The following CHCHD2 variants were observed in gnomAD, a reference collection of about 807,000 sequenced individuals.
CHCHD2 encodes the protein coiled-coil-helix-coiled-coil-helix domain-containing protein 2.
In CHCHD2, 17 loss-of-function variants were observed where a neutral mutation model predicts 17.5. That is an observed-to-expected ratio of 0.97 (90% CI 0.67 to 1.46). The LOEUF (loss-of-function observed/expected upper bound fraction) is 1.46, where lower values mean the gene tolerates loss of function less well. Ranked by LOEUF, CHCHD2 falls within the 40% of genes most tolerant of loss-of-function variation. CHCHD2 has a pLI of 0.00. For missense variants in CHCHD2, 175 were observed against 199.9 expected, an observed-to-expected ratio of 0.88 and a Z score of 0.75; for synonymous variants, 63 against 74.3, an observed-to-expected ratio of 0.85 and a Z score of 0.78.
rs368281619 is a variant in CHCHD2, at chr7:56,102,867, C to G, written c.445G>C (p.Gly149Arg). The G allele has an allele frequency of 6.2e-7, 1 of 1,613,720 alleles. No homozygotes were observed. Among genetic ancestry groups the G allele is most frequent in the Admixed American group, 1.7e-5 (1 of 59,974 alleles). Reference sequence around the variant, plus strand: ...GATGTAAATTGGACAAATTACCTACCGTTTGCAAGTCGGCACTGTTTCAGC... The same window carrying G: ...GATGTAAATTGGACAAATTACCTACGGTTTGCAAGTCGGCACTGTTTCAGC... The part of the protein sequence containing the change: ...EVLKQCRLAN[G>R]LA Residue 149 changes from glycine to arginine, a missense_variant and splice_region_variant, in exon 3 of 4, where the codon GGA becomes CGA. Gly to Arg is a moderately radical substitution (Grantham distance 125). Transcript: ENST00000395422.
chr7:56,103,145 T>G (rs1015513211), intron 2 of CHCHD2, 134 bp from the exon 3 acceptor site: 1 of 827,812 alleles, frequency 1.2e-6, no homozygotes, highest in East Asian at 2.6e-5. Flanking sequence ...TTTCCAACTA[T>G]TAACATGGGA....
chr7:56,105,083 G>C (rs1360773630), intron 1 of CHCHD2, among the ~76,000 whole-genome samples: 1 of 150,420 alleles, frequency 6.6e-6, no homozygotes, highest in Non-Finnish European at 1.5e-5. Flanking sequence ...GCTAATTTTT[G>C]TATTTCTAGT....
Position 56,106,427 on chromosome 7 carries a change from C to A in CHCHD2, c.-14G>T. On this transcript the variant is annotated 5_prime_UTR_variant, in exon 1 of 4. Transcript: ENST00000395422. The stretch of plus-strand genomic sequence containing the variant: ...TCCACGCGGCATCCTAGGTAAGCGA[C>A]GGCTAGGCCTCCGGACGTGGGACAA... The A allele has an allele frequency of 6.2e-7, 1 of 1,613,060 alleles. No homozygotes were observed.
rs1562888551 is a variant in CHCHD2 at position 56,104,379 on chromosome 7, CGCAGCAG to C, written c.140_146del (p.Ala47GlyfsTer7). 2 of 1,612,292 alleles carry C rather than the reference CGCAGCAG, an allele frequency of 1.2e-6. No homozygotes were observed. Among genetic ancestry groups the C allele is most frequent in the Admixed American group, 3.3e-5 (2 of 59,942 alleles). ...GGGCCATCAGACCTGGCTGCCGGGG[CGCAGCAG>C]CAGAAGAGCCAACTGCAGATGGGGG... is the stretch of plus-strand genomic sequence containing the variant. On this transcript the variant is annotated frameshift_variant, in exon 2 of 4. Coordinates refer to ENST00000395422, the MANE Select transcript of CHCHD2 (RefSeq NM_016139.4). LOFTEE classifies it high-confidence loss of function.
At chr7:56,106,261 C>T (rs1384888199) in intron 1 of CHCHD2, 103 bp downstream of exon 1, 5 of 1,107,712 alleles carry the variant, frequency 4.5e-6, no homozygotes, top group Non-Finnish European at 6.5e-6. Flanking sequence ...GCCCACGCCG[C>T]AGCCGACCTT....
Position 56,104,406 on chromosome 7 carries a change from T to C in CHCHD2, c.120A>G (p.Pro40=). 6.2e-7 allele frequency: 1 copy of C among 1,610,858 alleles called. No individual in the cohort carries two copies. The highest frequency in any genetic ancestry group is 8.5e-7 in the Non-Finnish European group (1 of 1,178,992). The change falls in exon 2 of 4, where the codon CCA becomes CCG. Residue 40 remains proline (P), a synonymous_variant. Transcript: ENST00000395422. ...PVAQPPAAAP[P]SAVGSSAAAP... is the part of the protein sequence containing the mutation. ...CAGCAGCAGAAGAGCCAACTGCAGA[T>C]GGGGGTGCCGCTGCTGGTGGCTGAG...
intron 3 of CHCHD2, 51 bp from the exon 4 acceptor site, chr7:56,101,912 T>C (rs145480423): frequency 2.4e-5 from 38 of 1,565,624 alleles, no homozygotes; most frequent in African/African-American, 4.1e-5. Context: ...GTATACTCAA[T>C]AAAACAGAAG....
intron 2 of CHCHD2, among the ~76,000 whole-genome samples, chr7:56,103,827 A>G (rs1554374758): frequency 6.6e-6 from 1 of 152,260 alleles, no homozygotes; most frequent in Non-Finnish European, 1.5e-5. Flanking sequence ...TCATTAGACT[A>G]GAAAGCCCAC....
intron 2 of CHCHD2, 41 bp downstream of exon 2, chr7:56,104,185 A>G: frequency 6.2e-7 from 1 of 1,602,302 alleles, no homozygotes; most frequent in Non-Finnish European, 8.5e-7. Context: ...CTTTTCTCAT[A>G]AAATCCACCC....
chr7:56,103,077 G>A, intron 2 of CHCHD2, 66 bp from the exon 3 acceptor site: 2 of 1,549,882 alleles, frequency 1.3e-6, no homozygotes, highest in East Asian at 2.2e-5. Flanking sequence ...ACAATGAAGA[G>A]TATCCATCCT....
intron 1 of CHCHD2, among the ~76,000 whole-genome samples, 153 bp downstream of exon 1, chr7:56,106,209 CAT>C (rs1183292322): frequency 6.6e-6 from 1 of 152,146 alleles, no homozygotes; most frequent in Admixed American, 6.6e-5. Flanking sequence ...ACTCCCCTAA[CAT>C]AGGCTTTACG....
chr7:56,105,291 G>T (rs13238718), intron 1 of CHCHD2, among the ~76,000 whole-genome samples: 2 of 152,044 alleles, frequency 1.3e-5, no homozygotes, highest in East Asian at 1.9e-4. Context: ...CCATGTATTC[G>T]GATAGCCCAC....
At chr7:56,104,509 A>G in intron 1 of CHCHD2, 34 bp from the exon 2 acceptor site, 1 of 1,503,150 alleles carries the variant, frequency 6.7e-7, no homozygotes, top group Non-Finnish European at 8.9e-7. Flanking sequence ...TCAAGTTCCC[A>G]ATTCCAACCA....
rs796607792 is a variant in CHCHD2 at position 56,101,793 on chromosome 7, A to T, written c.*58T>A. The T allele has an allele frequency of 8.0e-6, 12 of 1,498,106 alleles. No homozygotes were observed. The African/African-American group carries it at 1.5e-4, about 19-fold the overall frequency. The allele number at this position is 1,498,106 out of a possible 1,614,324, so 92.8% of individuals were successfully genotyped here. A position where few individuals can be genotyped will look rare whatever the true frequency, so the allele number is the denominator to read the frequency against. On this transcript the variant is annotated 3_prime_UTR_variant, in exon 4 of 4. Coordinates refer to ENST00000395422, the MANE Select transcript of CHCHD2 (RefSeq NM_016139.4). ...CCCTCACTATCAATTCTATTTTTAT[A>T]CTAAATTAACTTAGTTATGAGAGCT... is the stretch of plus-strand genomic sequence containing the variant.
rs77895701 is a variant in CHCHD2 at position 56,101,979 on chromosome 7, T to C, written c.446-118A>G. The C allele has an allele frequency of 6.0e-6, 6 of 1,003,318 alleles. No homozygotes were observed. The Admixed American group carries it at 6.8e-5, about 11-fold the overall frequency. The allele number at this position is 1,003,318 out of a possible 1,614,324, so 62.2% of individuals were successfully genotyped here. On this transcript the variant is annotated intron_variant, in intron 3 of 3. Transcript: ENST00000395422. ...CCAAGGCTATGGGTTTTTTGTTTTT[T>C]GTTTTTTTTTGATAAAAAATAGAGA... is the stretch of plus-strand genomic sequence containing the variant.
chr7:56,105,446 G>C (rs1785365416), intron 1 of CHCHD2, among the ~76,000 whole-genome samples: 1 of 152,170 alleles, frequency 6.6e-6, no homozygotes, highest in South Asian at 2.1e-4. Context: ...AAAAATCTCT[G>C]CATTCATGGA....
chr7:56,103,325 C>CA lies in CHCHD2; in HGVS notation c.301-315dup, dbSNP rs1425307116. Reference sequence around the variant, plus strand: ...TGAAACCCCGTCCCTACTAAAAATACAAAAATTAGCCAGGCGTGGTAGCAG... The same window carrying CA: ...TGAAACCCCGTCCCTACTAAAAATACAAAAAATTAGCCAGGCGTGGTAGCAG... On this transcript the variant is annotated intron_variant, in intron 2 of 3. Coordinates refer to ENST00000395422, the MANE Select transcript of CHCHD2 (RefSeq NM_016139.4). 5.3e-5 allele frequency among the ~76,000 whole-genome samples: 8 copies of CA among 152,238 alleles called. No homozygotes were observed. In the South Asian group the frequency reaches 8.3e-4, roughly 16 times the overall value.
At chr7:56,105,985 AAAT>A (rs1187451530) in intron 1 of CHCHD2, among the ~76,000 whole-genome samples, 6 of 152,236 alleles carry the variant, frequency 3.9e-5, no homozygotes, top group African/African-American at 1.4e-4. Flanking sequence ...ACCCCTTCTC[AAAT>A]AACAAAAGAC....
chr7:56,105,030 C>A (rs1290455109), intron 1 of CHCHD2, among the ~76,000 whole-genome samples: 1 of 151,926 alleles, frequency 6.6e-6, no homozygotes, highest in Non-Finnish European at 1.5e-5. Flanking sequence ...TCTGCCTCCG[C>A]TTCCCAAGTA....
Sources: gnomAD v4.1 joint callset for allele counts (sites outside exome capture counted in the v4.1 genomes callset) on GRCh38, gnomAD v4.1.1 for gene constraint, MANE v1.5 for transcripts, NCBI Gene and HGNC (gene_info 2026-07-23, HGNC 2026-07-21) for gene names.